The following DPYD variants were observed in gnomAD, a reference collection of about 807,000 sequenced individuals.
DPYD encodes dihydropyrimidine dehydrogenase.
In DPYD, 109 loss-of-function variants were observed where a neutral mutation model predicts 116.2. That is an observed-to-expected ratio of 0.94 (90% CI 0.80 to 1.10). The LOEUF is 1.10. Ranked by LOEUF, DPYD falls within the 50% of genes least tolerant of loss-of-function variation. The probability of loss-of-function intolerance (pLI) is 0.00; values close to 1 mark genes in which losing one functional copy is unlikely to be tolerated. For missense variants in DPYD, 1,302 were observed against 1,254.5 expected (o/e 1.04, Z -0.57); for synonymous variants, 440 against 432.0 (o/e 1.02, Z -0.23).
intron 8 of DPYD, among the ~76,000 whole-genome samples, chr1:97,609,137 T>C (rs1655781540): frequency 6.6e-6 from 1 of 152,010 alleles, no homozygotes; most frequent in Non-Finnish European, 1.5e-5. Context: ...GAATAGGTAA[T>C]TTCTATGATG....
chr1:97,263,722 TCTAA>T (rs1336275582), intron 18 of DPYD, among the ~76,000 whole-genome samples: 2 of 152,126 alleles, frequency 1.3e-5, no homozygotes, highest in East Asian at 1.9e-4. Flanking sequence ...TTGTTTGCCT[TCTAA>T]CTTTTATTCC....
At chr1:97,841,422 T>G (rs1670030310) in intron 2 of DPYD, among the ~76,000 whole-genome samples, 1 of 152,018 alleles carries the variant, frequency 6.6e-6, no homozygotes, top group Non-Finnish European at 1.5e-5. Context: ...AAAATTTCTA[T>G]CAACACAGCC....
chr1:97,511,906 T>C (rs182142995), intron 13 of DPYD, among the ~76,000 whole-genome samples: 2 of 152,036 alleles, frequency 1.3e-5, no homozygotes, highest in African/African-American at 2.4e-5. Context: ...CCACAATCTA[T>C]ACATTCAGAA....
At chr1:97,453,663 C>T (rs1362886555) in intron 13 of DPYD, among the ~76,000 whole-genome samples, 2 of 152,010 alleles carry the variant, frequency 1.3e-5, no homozygotes, top group African/African-American at 4.8e-5. Flanking sequence ...TAAGCATTTC[C>T]CTCATCAGTA....
At chr1:97,214,398 T>C (rs565706825) in intron 19 of DPYD, among the ~76,000 whole-genome samples, 1 of 152,304 alleles carries the variant, frequency 6.6e-6, no homozygotes, top group South Asian at 2.1e-4. Flanking sequence ...ATAGATTCTA[T>C]CTAGTTTTAA....
chr1:97,520,416 A>G (rs1648562224), intron 12 of DPYD, among the ~76,000 whole-genome samples: 2 of 152,134 alleles, frequency 1.3e-5, no homozygotes, highest in Non-Finnish European at 2.9e-5. Context: ...ACTTCTTGGG[A>G]CATTTCCTTA....
intron 18 of DPYD, chr1:97,295,507 T>TGCAG (rs1666471507): frequency 6.6e-6 from 1 of 152,142 alleles, no homozygotes; most frequent in South Asian, 2.1e-4. Context: ...CTTGGCTCAC[T>TGCAG]GCAGCATCGA....
intron 19 of DPYD, among the ~76,000 whole-genome samples, chr1:97,224,816 C>T (rs1408712360): frequency 6.6e-6 from 1 of 151,664 alleles, no homozygotes; most frequent in Non-Finnish European, 1.5e-5. Flanking sequence ...TCTCTAGGTT[C>T]ATTTATTTTG....
intron 14 of DPYD, among the ~76,000 whole-genome samples, chr1:97,449,810 T>C (rs1174733814): frequency 6.6e-6 from 1 of 152,214 alleles, no homozygotes; most frequent in Non-Finnish European, 1.5e-5. Flanking sequence ...TTTCTCTTCC[T>C]TCTGCTTATG....
intron 15 of DPYD, among the ~76,000 whole-genome samples, chr1:97,375,644 C>T (rs1216620662): frequency 2.0e-5 from 3 of 152,086 alleles, no homozygotes; most frequent in Admixed American, 2.0e-4. Context: ...ACGCCTGTAG[C>T]TAAGGAATTG....
chr1:97,530,272 C>CAGCG (rs1414920509), intron 12 of DPYD, among the ~76,000 whole-genome samples: 14 of 137,726 alleles, frequency 1.0e-4, no homozygotes, highest in Non-Finnish European at 7.6e-5. Context: ...GGCTGGAGTG[C>CAGCG]AGCGGCACAA....
At chr1:97,196,694 G>A (rs1658837691) in intron 19 of DPYD, among the ~76,000 whole-genome samples, 1 of 152,172 alleles carries the variant, frequency 6.6e-6, no homozygotes, top group Non-Finnish European at 1.5e-5. Context: ...TTACAGGTGA[G>A]GAAAGTGAGT....
At chr1:97,627,334 C>A (rs140280783) in intron 8 of DPYD, among the ~76,000 whole-genome samples, 2 of 152,116 alleles carry the variant, frequency 1.3e-5, no homozygotes, top group East Asian at 3.9e-4. Flanking sequence ...ATATTACCAA[C>A]AATAATTTAA....
intron 2 of DPYD, among the ~76,000 whole-genome samples, chr1:97,875,538 C>T (rs1364563792): frequency 6.6e-6 from 1 of 151,946 alleles, no homozygotes; most frequent in Non-Finnish European, 1.5e-5. Context: ...AAATAAATAC[C>T]TGTTGTATGT....
chr1:97,448,514 T>A (rs567330297), intron 14 of DPYD, among the ~76,000 whole-genome samples: 4 of 152,160 alleles, frequency 2.6e-5, no homozygotes, highest in African/African-American at 9.7e-5. Context: ...GTGCTCATAA[T>A]ATATTATAAC....
intron 20 of DPYD, among the ~76,000 whole-genome samples, chr1:97,168,494 T>G (rs1656484388): frequency 6.6e-6 from 1 of 152,158 alleles, no homozygotes; most frequent in South Asian, 2.1e-4. Flanking sequence ...GGTATTAATA[T>G]TTAGTAAGAG....
intron 3 of DPYD, among the ~76,000 whole-genome samples, chr1:97,759,621 G>T (rs992759256): frequency 6.6e-6 from 1 of 152,072 alleles, no homozygotes; most frequent in African/African-American, 2.4e-5. Context: ...TTTCAGCTGT[G>T]CTTTGTTTTA....
chr1:97,425,744 A>C (rs1674832265), intron 14 of DPYD, among the ~76,000 whole-genome samples: 1 of 152,056 alleles, frequency 6.6e-6, no homozygotes, highest in Non-Finnish European at 1.5e-5. Flanking sequence ...AACTCTGGTC[A>C]ATTCCCCTGC....
intron 18 of DPYD, among the ~76,000 whole-genome samples, chr1:97,257,464 A>AGAGAGAGAGAGAGAGAG (rs1557977908): frequency 6.5e-4 from 90 of 138,234 alleles, no homozygotes; most frequent in African/African-American, 2.1e-3. Flanking sequence ...GAGAGAGAGA[A>AGAGAGAGAGAGAGAGAG]AGAGAGAGAG....
Sources: allele counts gnomAD v4.1 joint callset (sites outside exome capture counted in the v4.1 genomes callset), GRCh38; gene constraint gnomAD v4.1.1; transcripts MANE v1.5; gene names NCBI Gene and HGNC (gene_info 2026-07-23, HGNC 2026-07-21).